Variants in TRAPPC2L observed in about 807,000 individuals in gnomAD.
The protein encoded by TRAPPC2L is trafficking protein particle complex subunit 2-like protein.
In TRAPPC2L, 17 loss-of-function variants were observed where a neutral mutation model predicts 13.2. The ratio of observed to expected loss-of-function variants is 1.29; its 90% CI spans 0.88 to 1.93. TRAPPC2L has a LOEUF of 1.93. TRAPPC2L is among the 30% of genes most tolerant of loss of function. The probability of loss-of-function intolerance (pLI) is 0.00; values close to 1 mark genes in which losing one functional copy is unlikely to be tolerated. For missense variants in TRAPPC2L, 359 were observed against 252.1 expected (o/e 1.42, Z -2.87); for synonymous variants, 150 against 98.1 (o/e 1.53, Z -3.12).
exon 4 of TRAPPC2L, chr16:88,861,119 G>T: frequency 1.5e-6 from 1 of 685,966 alleles, no homozygotes; most frequent in South Asian, 1.8e-5. Flanking sequence ...AGGAGATTTG[G>T]CTTTTTCCTT....
exon 4 of TRAPPC2L, chr16:88,861,659 C>T (rs1374935156): frequency 4.0e-6 from 2 of 498,844 alleles, no homozygotes; most frequent in Middle Eastern, 6.9e-4. Context: ...CCACCCAGGG[C>T]AGCGGCCGAG....
upstream of TRAPPC2L, chr16:88,856,358 G>T (rs1165456251): frequency 1.4e-6 from 1 of 702,048 alleles, no homozygotes; most frequent in East Asian, 2.7e-5. Flanking sequence ...CTCCCTTTGG[G>T]GAGGCCACGC....
chr16:88,860,698 C>T, exon 4 of TRAPPC2L: 2 of 618,764 alleles, frequency 3.2e-6, no homozygotes, highest in Non-Finnish European at 5.7e-6. Flanking sequence ...TTCCTGGGGC[C>T]TTGGGAGGCT....
At chr16:88,861,324 G>A in exon 4 of TRAPPC2L, 1 of 371,082 alleles carries the variant, frequency 2.7e-6, no homozygotes, top group Non-Finnish European at 5.2e-6. Flanking sequence ...TGGCTGAACA[G>A]GTGGGCTGGT....
chr16:88,861,591 C>T (rs1018840343), exon 4 of TRAPPC2L: 3 of 474,180 alleles, frequency 6.3e-6, no homozygotes, highest in African/African-American at 2.0e-5. Context: ...GGCACCCCCT[C>T]CTGCCTGTTG....
upstream of TRAPPC2L, chr16:88,856,914 C>G (rs1389591769): frequency 3.3e-6 from 5 of 1,495,718 alleles, no homozygotes; most frequent in Non-Finnish European, 3.5e-6. Context: ...GGCCAGCGAG[C>G]CGACCTAGCG....
chr16:88,861,696 G>T (rs373208959), exon 4 of TRAPPC2L: 8 of 475,770 alleles, frequency 1.7e-5, no homozygotes, highest in South Asian at 1.2e-4. Flanking sequence ...TGCCGCCGGC[G>T]TCCTTGGGGT....
exon 4 of TRAPPC2L, chr16:88,862,523 A>G (rs1005444918): frequency 1.5e-5 from 1 of 66,970 alleles, no homozygotes; most frequent in Admixed American, 1.2e-4. Context: ...GTCACACCCT[A>G]AGGACAGTGG....
At chr16:88,860,726 G>A (rs1018455859) in exon 4 of TRAPPC2L, 2 of 647,984 alleles carry the variant, frequency 3.1e-6, no homozygotes, top group African/African-American at 1.8e-5. Context: ...GAACTTGGAG[G>A]CAGCAGATGG....
chr16:88,858,467 C>T, intron 1 of TRAPPC2L, 152 bp from the exon 2 acceptor site: 1 of 745,514 alleles, frequency 1.3e-6, no homozygotes, highest in African/African-American at 1.8e-5. Flanking sequence ...GAAGGCAGTG[C>T]CCACTGCGGC....
At chr16:88,857,271 C>A in intron 1 of TRAPPC2L, 88 bp downstream of exon 1, 3 of 1,272,502 alleles carry the variant, frequency 2.4e-6, no homozygotes, top group Non-Finnish European at 3.2e-6. Flanking sequence ...TTAGAAGGCA[C>A]CTTAGGAAAT....
chr16:88,856,773 G>A, upstream of TRAPPC2L: 3 of 1,544,236 alleles, frequency 1.9e-6, no homozygotes, highest in Non-Finnish European at 2.6e-6. Context: ...CCATGAGCAG[G>A]AGCAGGATGT....
At chr16:88,860,990 GCCCGCGCACGACTGTGGTGGGGC>G in exon 4 of TRAPPC2L, 1 of 1,563,958 alleles carries the variant, frequency 6.4e-7, no homozygotes, top group South Asian at 1.2e-5. Flanking sequence ...TCGCAGAGGA[GCCCGCGCACGACTGTGGTGGGGC>G]CGTCGGTCTG....
chr16:88,857,111 C>G (rs556364303), upstream of TRAPPC2L: 325 of 1,531,974 alleles, frequency 2.1e-4, 8 homozygotes, highest in South Asian at 3.6e-3. Flanking sequence ...TGACCAGCGG[C>G]GGGTCACGTG....
chr16:88,860,890 G>T, exon 4 of TRAPPC2L: 1 of 1,582,206 alleles, frequency 6.3e-7, no homozygotes, highest in Non-Finnish European at 8.6e-7. Context: ...GCTCTCCTCT[G>T]AGTGGGTCTG....
At chr16:88,860,452 A>G in exon 4 of TRAPPC2L, 1 of 603,120 alleles carries the variant, frequency 1.7e-6, no homozygotes, top group Non-Finnish European at 2.9e-6. Context: ...CACATTCCAG[A>G]CTTGCTTTCA....
exon 4 of TRAPPC2L, chr16:88,862,511 G>C (rs1049586095): frequency 6.6e-6 from 1 of 152,378 alleles, no homozygotes; most frequent in African/African-American, 2.4e-5. Flanking sequence ...CGTGAGGAAA[G>C]GGTCACACCC....
chr16:88,860,492 C>G, exon 4 of TRAPPC2L: 1 of 600,818 alleles, frequency 1.7e-6, no homozygotes. Flanking sequence ...ACATAATTCC[C>G]TGTGGTTGGC....
exon 2 of TRAPPC2L, chr16:88,858,731 C>G: frequency 6.2e-7 from 1 of 1,613,530 alleles, no homozygotes; most frequent in Non-Finnish European, 8.5e-7. Flanking sequence ...ATGGGGAAGG[C>G]CCTGGTCGAC....
Sources: gnomAD v4.1 joint callset for allele counts on GRCh38, gnomAD v4.1.1 for gene constraint, MANE v1.5 for transcripts, NCBI Gene and HGNC (gene_info 2026-07-23, HGNC 2026-07-21) for gene names.